Variants in DTHD1 observed in about 807,000 individuals in gnomAD.
DTHD1 encodes death domain-containing protein 1.
Under a neutral mutation model 74.8 loss-of-function variants are expected in DTHD1, and 59 were observed. The ratio of observed to expected loss-of-function variants is 0.79; its 90% CI spans 0.64 to 0.98. The LOEUF is 0.98. Ranked by LOEUF, DTHD1 falls within the 50% of genes least tolerant of loss-of-function variation. The pLI is 0.00. For synonymous variants in DTHD1, 365 were observed against 371.1 expected, an observed-to-expected ratio of 0.98 and a Z score of 0.19; for missense variants, 1,051 against 1,065.4, an observed-to-expected ratio of 0.99 and a Z score of 0.19.
At chr4:36,317,862 T>C (rs1757819354) in intron 8 of DTHD1, among the ~76,000 whole-genome samples, 2 of 152,236 alleles carry the variant, frequency 1.3e-5, no homozygotes, top group Admixed American at 6.5e-5. Context: ...GTGGTGTTTG[T>C]GGCATTTTAT....
At chr4:36,309,347 G>A in intron 7 of DTHD1, among the ~76,000 whole-genome samples, 1 of 152,196 alleles carries the variant, frequency 6.6e-6, no homozygotes, top group East Asian at 1.9e-4. Flanking sequence ...CAGCCGCTGG[G>A]AGGCTGAGGC....
intron 8 of DTHD1, among the ~76,000 whole-genome samples, 187 bp from the exon 9 acceptor site, chr4:36,338,925 G>A (rs1759160069): frequency 6.6e-6 from 1 of 152,188 alleles, no homozygotes; most frequent in Admixed American, 6.6e-5. Context: ...ATTTGGGTTA[G>A]TATACTTGGC....
intron 2 of DTHD1, among the ~76,000 whole-genome samples, chr4:36,288,336 G>A (rs1207069225): frequency 6.6e-6 from 1 of 152,184 alleles, no homozygotes; most frequent in African/African-American, 2.4e-5. Context: ...GACCTCAGGT[G>A]ATCCTTCCGC....
At chr4:36,304,020 T>C (rs1156964381) in intron 5 of DTHD1, among the ~76,000 whole-genome samples, 1 of 152,198 alleles carries the variant, frequency 6.6e-6, no homozygotes, top group Non-Finnish European at 1.5e-5. Context: ...TGTAACCCTG[T>C]CATGTATTCA....
At chr4:36,319,663 A>C (rs1157618288) in intron 8 of DTHD1, among the ~76,000 whole-genome samples, 1 of 152,246 alleles carries the variant, frequency 6.6e-6, no homozygotes, top group Non-Finnish European at 1.5e-5. Flanking sequence ...GACGACAGAC[A>C]TGAAGTCCAA....
intron 8 of DTHD1, among the ~76,000 whole-genome samples, chr4:36,324,138 C>T (rs1171062054): frequency 6.6e-6 from 1 of 151,536 alleles, no homozygotes; most frequent in Non-Finnish European, 1.5e-5. Flanking sequence ...CCCTTCTCCT[C>T]CCCCCCATTC....
In DTHD1 at chr4:36,316,418, C is replaced by G; in HGVS notation, c.2272C>G (p.Gln758Glu). The G allele has an allele frequency of 6.4e-7, 1 of 1,551,948 alleles. No homozygotes were observed. The highest frequency in any genetic ancestry group is 2.4e-5 in the East Asian group (1 of 40,912). The change falls in exon 8 of 10, where the codon CAA (glutamine) becomes GAA (glutamate). Residue 758 changes from glutamine to glutamate, a missense_variant. Physicochemically the swap from Gln to Glu is conservative, Grantham distance 29. Coordinates refer to ENST00000639862, the MANE Select transcript of DTHD1 (RefSeq NM_001170700.3). ...PKGKIVPNLN[Q>E]SLVINENHSQ... ...AGGAAAGATAGTCCCCAACTTGAATCAATCTCTCGTAATTAATGAAAACCA... is the reference window on the plus strand; with the variant it reads ...AGGAAAGATAGTCCCCAACTTGAATGAATCTCTCGTAATTAATGAAAACCA...
Position 36,284,153 on chromosome 4 carries a change from G to A in DTHD1, c.449G>A (p.Arg150Lys), listed in dbSNP as rs942393577. The stretch of plus-strand genomic sequence containing the variant: ...ACCAAAGCAGCAGACATTGCTGCAA[G>A]AGGGGAACTAAATGTCATAGAAACA... ...QDTKAADIAARGELNVIETAT... is the reference protein window; with the variant it reads ...QDTKAADIAAKGELNVIETAT... Residue 150 changes from arginine to lysine, a missense_variant, in exon 2 of 10, where the codon AGA becomes AAA. By Grantham distance (26) the Arg-to-Lys change is conservative. Coordinates refer to ENST00000639862, the MANE Select transcript of DTHD1 (RefSeq NM_001170700.3). 5.2e-6 allele frequency: 8 copies of A among 1,537,116 alleles called. No individual in the cohort carries two copies. The African/African-American group carries it at 1.1e-4, about 21-fold the overall frequency.
At chr4:36,338,928 T>C (rs1759160231) in intron 8 of DTHD1, among the ~76,000 whole-genome samples, 184 bp from the exon 9 acceptor site, 1 of 152,228 alleles carries the variant, frequency 6.6e-6, no homozygotes, top group Non-Finnish European at 1.5e-5. Flanking sequence ...TGGGTTAGTA[T>C]ACTTGGCTTT....
At chr4:36,295,122 G>C (rs1756324493) in intron 5 of DTHD1, 83 bp downstream of exon 5, 2 of 1,321,280 alleles carry the variant, frequency 1.5e-6, no homozygotes, top group Non-Finnish European at 2.0e-6. Flanking sequence ...CAAATGCCTT[G>C]TATTTAAATT....
intron 2 of DTHD1, among the ~76,000 whole-genome samples, chr4:36,289,279 G>T (rs932538946): frequency 6.6e-6 from 1 of 152,122 alleles, no homozygotes. Context: ...AGAATTTATT[G>T]AGCATACATC....
intron 8 of DTHD1, among the ~76,000 whole-genome samples, chr4:36,336,409 G>C (rs1361856715): frequency 6.6e-6 from 1 of 152,182 alleles, no homozygotes; most frequent in Admixed American, 6.5e-5. Context: ...GCTAGCACTT[G>C]GGGGAATGGC....
chr4:36,328,667 T>A (rs1041153608), intron 8 of DTHD1, among the ~76,000 whole-genome samples: 4 of 152,186 alleles, frequency 2.6e-5, no homozygotes, highest in Non-Finnish European at 5.9e-5. Flanking sequence ...AAATCACAGG[T>A]GCAATATCAT....
chr4:36,301,878 A>G (rs536382835), intron 5 of DTHD1, among the ~76,000 whole-genome samples: 1 of 152,290 alleles, frequency 6.6e-6, no homozygotes, highest in South Asian at 2.1e-4. Context: ...AGCTGGCAAG[A>G]AAACATAGCA....
Position 36,345,282 on chromosome 4 carries a change from C to G in DTHD1, c.*1458C>G, listed in dbSNP as rs1198636103. On this transcript the variant is annotated 3_prime_UTR_variant, in exon 10 of 10. Coordinates refer to ENST00000639862, the MANE Select transcript of DTHD1 (RefSeq NM_001170700.3). ...TTCTATTGATAATCGCTATTAATGT[C>G]TAGTATAAGCTTTGAGTTTTTGGAA... 6.6e-6 allele frequency: 1 copy of G among 152,140 alleles called. No individual in the cohort carries two copies. Among genetic ancestry groups the G allele is most frequent in the Non-Finnish European group, 1.5e-5 (1 of 68,032 alleles). 9.4% of individuals were successfully genotyped at this position (152,140 alleles called of 1,614,324 possible).
At chr4:36,309,601 C>A (rs972252106) in intron 7 of DTHD1, among the ~76,000 whole-genome samples, 30 of 152,220 alleles carry the variant, frequency 2.0e-4, no homozygotes, top group African/African-American at 7.0e-4. Context: ...GGGCAATGAC[C>A]ATGTCTTTCT....
chr4:36,290,823 T>C (rs1185413660), intron 3 of DTHD1, 120 bp downstream of exon 3: 7 of 820,548 alleles, frequency 8.5e-6, no homozygotes. Context: ...GAAGGACTTT[T>C]GAATTTGTGC....
chr4:36,323,456 C>A (rs1285787109), intron 8 of DTHD1, among the ~76,000 whole-genome samples: 3 of 151,872 alleles, frequency 2.0e-5, no homozygotes, highest in East Asian at 1.9e-4. Flanking sequence ...GATTCTGAAC[C>A]ATTAAAAAAT....
chr4:36,322,053 G>C (rs76089571), intron 8 of DTHD1, among the ~76,000 whole-genome samples: 645 of 152,174 alleles, frequency 4.2e-3, no homozygotes, highest in African/African-American at 0.015. Context: ...GGTTTACCCT[G>C]ACTCTAACAT....
Sources: gnomAD v4.1 joint callset for allele counts (sites outside exome capture counted in the v4.1 genomes callset) on GRCh38, gnomAD v4.1.1 for gene constraint, MANE v1.5 for transcripts, NCBI Gene and HGNC (gene_info 2026-07-23, HGNC 2026-07-21) for gene names.